The following DLGAP1 variants were observed in gnomAD, a reference collection of about 807,000 sequenced individuals.
DLGAP1 encodes disks large-associated protein 1.
DLGAP1 carries 11 observed loss-of-function variants against 90.8 expected under a neutral mutation model. The ratio of observed to expected loss-of-function variants is 0.12; its 90% CI spans 0.08 to 0.20. The LOEUF (loss-of-function observed/expected upper bound fraction) is 0.20. DLGAP1 is among the 10% of genes least tolerant of loss of function. The probability of loss-of-function intolerance (pLI) is 1.00; values close to 1 mark genes in which losing one functional copy is unlikely to be tolerated. For missense variants in DLGAP1, 1,050 were observed against 1,333.8 expected, an observed-to-expected ratio of 0.79 and a Z score of 3.31; for synonymous variants, 558 against 540.7, an observed-to-expected ratio of 1.03 and a Z score of -0.44.
chr18:3,753,686 A>G lies in DLGAP1; in HGVS notation c.1173-11174T>C, dbSNP rs140295061. 1.3e-3 allele frequency among the ~76,000 whole-genome samples: 205 copies of G among 152,312 alleles called. 1 individual carries two copies. Among genetic ancestry groups the G allele is most frequent in the African/African-American group, 4.7e-3 (194 of 41,564 alleles). On this transcript the variant is annotated intron_variant, in intron 5 of 12. Transcript: ENST00000315677. ...TGAGATCCTGCACAAGCAGGAAGTAAATACTAAGGCTGATTTGTAAGCTGC... is the reference window on the plus strand; with the variant it reads ...TGAGATCCTGCACAAGCAGGAAGTAGATACTAAGGCTGATTTGTAAGCTGC...
chr18:3,739,318 C>T (rs1417872439), intron 6 of DLGAP1, among the ~76,000 whole-genome samples: 1 of 149,840 alleles, frequency 6.7e-6, no homozygotes, highest in Non-Finnish European at 1.5e-5. Flanking sequence ...TATAAAGACA[C>T]ATGCACACGT....
At chr18:4,039,301 C>A (rs985142684) in intron 2 of DLGAP1, among the ~76,000 whole-genome samples, 2 of 152,108 alleles carry the variant, frequency 1.3e-5, no homozygotes, top group South Asian at 4.2e-4. Context: ...CAGAACCTTC[C>A]CAACAGGAGA....
chr18:4,288,223 G>A (rs571626452), intron 1 of DLGAP1, among the ~76,000 whole-genome samples: 4 of 152,260 alleles, frequency 2.6e-5, no homozygotes, highest in African/African-American at 9.6e-5. Context: ...TAAGGCAGAT[G>A]AGGTTTCATT....
At chr18:3,808,965 A>C (rs201670789) in intron 5 of DLGAP1, among the ~76,000 whole-genome samples, 1 of 152,222 alleles carries the variant, frequency 6.6e-6, no homozygotes, top group East Asian at 1.9e-4. Context: ...TTTCTTTACC[A>C]ATACTACTTC....
chr18:3,587,160 T>G (rs1485390730), intron 7 of DLGAP1, among the ~76,000 whole-genome samples: 2 of 152,176 alleles, frequency 1.3e-5, no homozygotes, highest in African/African-American at 4.8e-5. Flanking sequence ...GTTCAAGCAA[T>G]TCTCCTGCCT....
intron 4 of DLGAP1, among the ~76,000 whole-genome samples, chr18:3,866,218 G>C (rs1182167700): frequency 1.3e-5 from 2 of 152,070 alleles, no homozygotes; most frequent in African/African-American, 4.8e-5. Context: ...AGTCTGGACT[G>C]CTGCTGCTGC....
chr18:3,618,051 A>G (rs1383052366), intron 7 of DLGAP1, among the ~76,000 whole-genome samples: 1 of 152,182 alleles, frequency 6.6e-6, no homozygotes, highest in African/African-American at 2.4e-5. Context: ...AGAAAGAAAG[A>G]AAGAAAGAAA....
At chr18:3,567,349 A>G in intron 9 of DLGAP1, 141 bp downstream of exon 9, 1 of 676,294 alleles carries the variant, frequency 1.5e-6, no homozygotes, top group Non-Finnish European at 2.5e-6. Context: ...ATCAACTAAT[A>G]TTGATTCAAC....
intron 3 of DLGAP1, among the ~76,000 whole-genome samples, chr18:3,887,082 C>T (rs2071336461): frequency 6.6e-6 from 1 of 152,194 alleles, no homozygotes; most frequent in Non-Finnish European, 1.5e-5. Context: ...GTTTCCTTAT[C>T]TTATCAAGTA....
chr18:3,806,441 G>T (rs2066565532), intron 5 of DLGAP1, among the ~76,000 whole-genome samples: 1 of 152,068 alleles, frequency 6.6e-6, no homozygotes, highest in Non-Finnish European at 1.5e-5. Flanking sequence ...CTTGACTCTG[G>T]AAAACCAGAT....
At position 3,737,770 on chromosome 18, in the gene DLGAP1, C is replaced by T. The variant is rs369566383; in HGVS notation, c.1350+4565G>A. Among the ~76,000 whole-genome samples the T allele has an allele frequency of 6.1e-3, 776 of 126,292 alleles. 7 individuals carry two copies. Among genetic ancestry groups the T allele is most frequent in the African/African-American group, 0.021 (709 of 33,188 alleles). 82.9% of individuals were successfully genotyped at this position (126,292 alleles called of 152,430 possible). A position where few individuals can be genotyped will look rare whatever the true frequency, so the allele number is the denominator to read the frequency against. ...TTCAACATAGTGTTGGAAGTTCTGG[C>T]CAGGGCAATTAGGCAGGAGAAGGAA... On this transcript the variant is annotated intron_variant, in intron 6 of 12. Transcript: ENST00000315677.
intron 7 of DLGAP1, among the ~76,000 whole-genome samples, chr18:3,705,183 T>C (rs2061395489): frequency 6.6e-6 from 1 of 152,158 alleles, no homozygotes. Context: ...TCAAACGAAT[T>C]TTGTTGGCAT....
intron 1 of DLGAP1, among the ~76,000 whole-genome samples, chr18:4,214,454 C>G (rs1203801341): frequency 6.6e-6 from 1 of 151,934 alleles, no homozygotes; most frequent in African/African-American, 2.4e-5. Context: ...GTGCTAGGCA[C>G]ACAGAGGATA....
At chr18:4,072,695 C>T (rs2143490439) in intron 2 of DLGAP1, among the ~76,000 whole-genome samples, 1 of 152,232 alleles carries the variant, frequency 6.6e-6, no homozygotes. Context: ...GTCTTGAACT[C>T]CTGACCTCAA....
intron 12 of DLGAP1, among the ~76,000 whole-genome samples, chr18:3,501,760 TGACATGCCAGCCTGGGGAGCTG>T: frequency 6.6e-6 from 1 of 152,244 alleles, no homozygotes; most frequent in Admixed American, 6.5e-5. Flanking sequence ...AAGTCACGTT[TGACATGCCAGCCTGGGGAGCTG>T]GACATTGGAT....
At chr18:3,650,878 C>T (rs1439131541) in intron 7 of DLGAP1, among the ~76,000 whole-genome samples, 1 of 151,318 alleles carries the variant, frequency 6.6e-6, no homozygotes, top group Non-Finnish European at 1.5e-5. Context: ...ACCATCCTGG[C>T]CAACATGGTG....
At chr18:4,302,611 T>TA (rs2080154914) in intron 1 of DLGAP1, among the ~76,000 whole-genome samples, 3 of 152,204 alleles carry the variant, frequency 2.0e-5, no homozygotes, top group Non-Finnish European at 2.9e-5. Flanking sequence ...ACCATGCTTT[T>TA]AAATTAGTAT....
At position 4,058,157 on chromosome 18, in the gene DLGAP1, G is replaced by A. The variant is rs1002700452; in HGVS notation, c.-158-52956C>T. 5.9e-5 allele frequency among the ~76,000 whole-genome samples: 9 copies of A among 152,266 alleles called. No individual in the cohort carries two copies. The South Asian group carries it at 1.9e-3, about 32-fold the overall frequency. ...CAGCTCTTTCCCAAAAACCCACACA[G>A]CCTATTCTCCTGTTTTCTCTGTGTA... On this transcript the variant is annotated intron_variant, in intron 2 of 12. Coordinates refer to ENST00000315677, the MANE Select transcript of DLGAP1 (RefSeq NM_004746.4).
chr18:4,073,671 T>C (rs2143504036), intron 2 of DLGAP1, among the ~76,000 whole-genome samples: 1 of 152,286 alleles, frequency 6.6e-6, no homozygotes, highest in East Asian at 1.9e-4. Flanking sequence ...GGATAGAAAC[T>C]TGATTAATTT....
Sources: allele counts gnomAD v4.1 joint callset (sites outside exome capture counted in the v4.1 genomes callset), GRCh38; gene constraint gnomAD v4.1.1; transcripts MANE v1.5; gene names NCBI Gene and HGNC (gene_info 2026-07-23, HGNC 2026-07-21).